MACROD2: variants seen among roughly 807,000 people sequenced by gnomAD.
MACROD2 encodes mono-ADP ribosylhydrolase 2.
MACROD2 carries 36 observed loss-of-function variants against 70.4 expected under a neutral mutation model. That is an observed-to-expected ratio of 0.51 (90% CI 0.39 to 0.68). MACROD2 has a LOEUF of 0.68. Among genes scored for constraint, MACROD2 ranks in the 30% least tolerant of loss-of-function variants. MACROD2 has a pLI of 0.00. For missense variants in MACROD2, 496 were observed against 538.4 expected (o/e 0.92, Z 0.78); for synonymous variants, 172 against 178.8 (o/e 0.96, Z 0.30).
Position 14,316,798 on chromosome 20 carries a change from A to G in MACROD2, c.272-176681A>G, listed in dbSNP as rs1031143866. On this transcript the variant is annotated intron_variant, in intron 3 of 17. Transcript: ENST00000684519. ...ATTTTGAGCATCTTTCCACCTCTCTACTCACCACCACTATTCTGTTCCACA... is the reference window on the plus strand; with the variant it reads ...ATTTTGAGCATCTTTCCACCTCTCTGCTCACCACCACTATTCTGTTCCACA... 3.7e-4 allele frequency among the ~76,000 whole-genome samples: 57 copies of G among 152,046 alleles called. 1 individual carries two copies. The highest frequency in any genetic ancestry group is 1.4e-3 in the African/African-American group (56 of 41,480).
At chr20:14,826,031 A>G (rs2072898583) in intron 5 of MACROD2, among the ~76,000 whole-genome samples, 1 of 152,190 alleles carries the variant, frequency 6.6e-6, no homozygotes, top group Non-Finnish European at 1.5e-5. Context: ...TATCATTATC[A>G]ATACAGATGT....
chr20:14,152,002 T>C (rs2055030765), intron 3 of MACROD2, among the ~76,000 whole-genome samples: 2 of 151,882 alleles, frequency 1.3e-5, no homozygotes, highest in Non-Finnish European at 2.9e-5. Flanking sequence ...TTTGTATTTT[T>C]AGTAGAGACA....
intron 5 of MACROD2, among the ~76,000 whole-genome samples, chr20:14,697,197 C>T (rs1258885096): frequency 6.6e-6 from 1 of 152,140 alleles, no homozygotes; most frequent in Non-Finnish European, 1.5e-5. Flanking sequence ...TGGAACTGGG[C>T]TTTCCTCCAT....
intron 7 of MACROD2, among the ~76,000 whole-genome samples, chr20:15,442,707 C>T (rs983640291): frequency 3.9e-5 from 6 of 152,108 alleles, no homozygotes; most frequent in Admixed American, 3.3e-4. Context: ...GGGAATATCA[C>T]ATTTTGATGG....
At chr20:15,315,450 G>A (rs2077799713) in intron 6 of MACROD2, among the ~76,000 whole-genome samples, 1 of 152,140 alleles carries the variant, frequency 6.6e-6, no homozygotes, top group East Asian at 1.9e-4. Context: ...AGCAACAAGG[G>A]AGCAGTGACT....
chr20:15,369,669 G>GA (rs1328161485), intron 6 of MACROD2, among the ~76,000 whole-genome samples: 2 of 152,116 alleles, frequency 1.3e-5, no homozygotes, highest in African/African-American at 2.4e-5. Flanking sequence ...GTCTAACGTG[G>GA]AAAGTGCTCT....
intron 10 of MACROD2, among the ~76,000 whole-genome samples, chr20:15,895,928 T>TA: frequency 6.6e-6 from 1 of 152,252 alleles, no homozygotes; most frequent in East Asian, 1.9e-4. Context: ...ATACGGCACT[T>TA]ATTACTTATC....
intron 8 of MACROD2, among the ~76,000 whole-genome samples, chr20:15,645,207 G>T (rs1311567554): frequency 6.6e-6 from 1 of 152,182 alleles, no homozygotes; most frequent in African/African-American, 2.4e-5. Context: ...GTGGACAGTT[G>T]CCTCCTCCTA....
At chr20:15,197,963 T>C (rs1052292974) in intron 5 of MACROD2, among the ~76,000 whole-genome samples, 1 of 94,720 alleles carries the variant, frequency 1.1e-5, no homozygotes, top group African/African-American at 5.3e-5. Context: ...TGGCCTCCTT[T>C]TTTTTTTTTT....
chr20:14,485,432 T>C (rs971780696), intron 3 of MACROD2, among the ~76,000 whole-genome samples: 13 of 152,182 alleles, frequency 8.5e-5, no homozygotes, highest in Non-Finnish European at 1.8e-4. Flanking sequence ...CCAGGCGTGG[T>C]GGCTCACGCC....
intron 8 of MACROD2, among the ~76,000 whole-genome samples, chr20:15,789,421 G>GA (rs2051984478): frequency 1.3e-5 from 2 of 152,056 alleles, no homozygotes; most frequent in South Asian, 4.1e-4. Context: ...AGCTTTGTTT[G>GA]AAATAATATT....
intron 7 of MACROD2, among the ~76,000 whole-genome samples, chr20:15,497,147 A>C (rs968859757): frequency 1.3e-5 from 2 of 152,180 alleles, no homozygotes; most frequent in African/African-American, 4.8e-5. Flanking sequence ...TTTAGGTAGG[A>C]GCATGTATTG....
intron 5 of MACROD2, among the ~76,000 whole-genome samples, chr20:14,752,903 C>T (rs1195812676): frequency 6.6e-6 from 1 of 152,060 alleles, no homozygotes; most frequent in African/African-American, 2.4e-5. Context: ...GTTTGCCTCT[C>T]TAGGGAACGG....
chr20:15,613,634 A>T (rs150814050), intron 8 of MACROD2, among the ~76,000 whole-genome samples: 1 of 152,346 alleles, frequency 6.6e-6, no homozygotes, highest in African/African-American at 2.4e-5. Flanking sequence ...ATAATGACCT[A>T]TTCCACTGAT....
intron 5 of MACROD2, among the ~76,000 whole-genome samples, chr20:14,755,963 T>C (rs2071934926): frequency 6.6e-6 from 1 of 152,130 alleles, no homozygotes; most frequent in Non-Finnish European, 1.5e-5. Context: ...ACTAGTAATG[T>C]GAGTTATTAA....
At chr20:14,146,783 A>T (rs75358056) in intron 3 of MACROD2, among the ~76,000 whole-genome samples, 2,205 of 152,292 alleles carry the variant, frequency 0.014, 20 homozygotes, top group South Asian at 0.037. Context: ...GTTTTTCCAG[A>T]CATCAAGAGG....
intron 8 of MACROD2, among the ~76,000 whole-genome samples, chr20:15,796,605 T>C (rs6135530): frequency 0.2 from 30,366 of 152,134 alleles, 3,074 homozygotes; most frequent in Non-Finnish European, 0.21. Context: ...ACCTTAGTCT[T>C]CCCCTCTGAG....
At chr20:15,680,021 G>A (rs939217767) in intron 8 of MACROD2, among the ~76,000 whole-genome samples, 2 of 152,100 alleles carry the variant, frequency 1.3e-5, no homozygotes, top group African/African-American at 4.8e-5. Context: ...GAGTGGAAAG[G>A]GAAGCCCTGC....
chr20:14,085,590 A>G lies in MACROD2; in HGVS notation c.164-31A>G, dbSNP rs1309105557. On this transcript the variant is annotated intron_variant, in intron 2 of 17. Coordinates refer to ENST00000684519, the MANE Select transcript of MACROD2 (RefSeq NM_001351661.2). ...CTCGATTAAGTTAATTAATAATATT[A>G]TTATTGATATATATCCATTTTCTAT... 4.1e-6 allele frequency: 5 copies of G among 1,218,904 alleles called. No individual in the cohort carries two copies. The African/African-American group carries it at 4.7e-5, about 11-fold the overall frequency. The allele number at this position is 1,218,904 out of a possible 1,614,324, so 75.5% of individuals were successfully genotyped here.
Sources: allele counts gnomAD v4.1 joint callset (sites outside exome capture counted in the v4.1 genomes callset), GRCh38; gene constraint gnomAD v4.1.1; transcripts MANE v1.5; gene names NCBI Gene and HGNC (gene_info 2026-07-23, HGNC 2026-07-21).